Variants in CCDC154 observed in about 807,000 individuals in gnomAD.
The protein encoded by CCDC154 is coiled-coil domain-containing protein 154.
CCDC154 carries 91 observed loss-of-function variants against 87.5 expected under a neutral mutation model. That is an observed-to-expected ratio of 1.04 (90% CI 0.88 to 1.24). The LOEUF (loss-of-function observed/expected upper bound fraction) is 1.24, where lower values mean the gene tolerates loss of function less well. Among genes scored for constraint, CCDC154 ranks in the 50% most tolerant of loss-of-function variants. The pLI is 0.00. For missense variants in CCDC154, 903 were observed against 879.2 expected (o/e 1.03, Z -0.34); for synonymous variants, 418 against 400.4 (o/e 1.04, Z -0.52).
chr16:1,444,393 G>A lies in CCDC154; in HGVS notation c.-71C>T. The A allele has an allele frequency of 3.1e-6, 4 of 1,283,906 alleles. No homozygotes were observed. In the African/African-American group the frequency reaches 6.1e-5, roughly 20 times the overall value. 79.5% of individuals were successfully genotyped at this position (1,283,906 alleles called of 1,614,324 possible). ...GCCTTGGGGCCTCTGAGGTTGCCCA[G>A]AGCTGGGCACAGGCCAGGGGGGTCA... is the stretch of plus-strand genomic sequence containing the variant. On this transcript the variant is annotated 5_prime_UTR_variant, in exon 1 of 17. Transcript: ENST00000389176.
intron 7 of CCDC154, 31 bp downstream of exon 7, chr16:1,438,994 C>T (rs180995283): frequency 6.5e-7 from 1 of 1,549,758 alleles, no homozygotes; most frequent in East Asian, 2.4e-5. Flanking sequence ...GGAAGGGGGG[C>T]AGGGCAGGCC....
In CCDC154 at chr16:1,443,684, A is replaced by G. The variant is rs2142358205; in HGVS notation, c.236T>C (p.Leu79Pro). The change falls in exon 3 of 17, where the codon CTG becomes CCG. Residue 79 changes from leucine to proline, a missense_variant. Physicochemically the swap from Leu to Pro is moderately conservative, Grantham distance 98 (BLOSUM62 -3). Transcript: ENST00000389176. ...CCGCAGGCAGGCCACCTCGGCCTGCAGCTCCACCACCCTGGCCGGGGCGAG... is the reference window on the plus strand; with the variant it reads ...CCGCAGGCAGGCCACCTCGGCCTGCGGCTCCACCACCCTGGCCGGGGCGAG... ...WNQLEQWVVE[L>P]QAEVACLREH... 1 of 1,291,512 alleles carries G rather than the reference A, an allele frequency of 7.7e-7. No individual in the cohort carries two copies. The highest frequency in any genetic ancestry group is 4.8e-5 in the East Asian group (1 of 20,972). 80.0% of individuals were successfully genotyped at this position (1,291,512 alleles called of 1,614,324 possible).
chr16:1,438,534 G>T, intron 9 of CCDC154, 85 bp downstream of exon 9: 2 of 1,257,242 alleles, frequency 1.6e-6, no homozygotes, highest in Non-Finnish European at 2.2e-6. Flanking sequence ...GTCATTCCCT[G>T]CTGAGTCGGC....
rs528440014 is a variant in CCDC154, at chr16:1,443,509, C to T, written c.411G>A (p.Pro137=). The part of the protein sequence containing the change: ...PAAQAPEKEA[P]EFSGLQNQMQ... Reference sequence around the variant, plus strand: ...TGTGGGTGGGGGAGCCGCTCACCTCCGGCGCCTCCTTTTCGGGGGCCTGGG... The same window carrying T: ...TGTGGGTGGGGGAGCCGCTCACCTCTGGCGCCTCCTTTTCGGGGGCCTGGG... Residue 137 remains proline (P), a synonymous_variant, in exon 3 of 17, where the codon CCG becomes CCA. Coordinates refer to ENST00000389176, the MANE Select transcript of CCDC154 (RefSeq NM_001143980.3). 181 of 1,469,714 alleles carry T rather than the reference C, an allele frequency of 1.2e-4. 1 individual carries two copies. The South Asian group carries it at 1.8e-3, about 15-fold the overall frequency. The allele number at this position is 1,469,714 out of a possible 1,614,324, so 91.0% of individuals were successfully genotyped here.
In CCDC154 at chr16:1,434,845, T is replaced by A; in HGVS notation, c.1700A>T (p.Gln567Leu). 1 of 1,506,888 alleles carries A rather than the reference T, an allele frequency of 6.6e-7. No individual in the cohort carries two copies. The highest frequency in any genetic ancestry group is 8.9e-7 in the Non-Finnish European group (1 of 1,129,244). 93.3% of individuals were successfully genotyped at this position (1,506,888 alleles called of 1,614,324 possible). A position where few individuals can be genotyped will look rare whatever the true frequency, so the allele number is the denominator to read the frequency against. Reference protein sequence around the residue: ...RFNTEARLRTQEMATLWESVL... With the variant: ...RFNTEARLRTLEMATLWESVL... ...ACTCTCCCACAGGGTGGCCATCTCC[T>A]GCGTGCGCTGTGGGACGGGGATGCT... The change falls in exon 16 of 17, where the codon CAG becomes CTG. Residue 567 changes from glutamine (Q) to leucine (L), a missense_variant. Physicochemically the swap from Gln to Leu is moderately radical, Grantham distance 113 (BLOSUM62 -2). Coordinates refer to ENST00000389176, the MANE Select transcript of CCDC154 (RefSeq NM_001143980.3).
At chr16:1,438,449 C>T (rs1010248823) in intron 9 of CCDC154, 170 bp downstream of exon 9, 15 of 739,868 alleles carry the variant, frequency 2.0e-5, no homozygotes, top group Non-Finnish European at 3.3e-5. Context: ...GACAGGAGGC[C>T]CCACAGGAGG....
intron 6 of CCDC154, among the ~76,000 whole-genome samples, chr16:1,442,148 C>T (rs1596205417): frequency 6.6e-6 from 1 of 151,754 alleles, no homozygotes; most frequent in Non-Finnish European, 1.5e-5. Flanking sequence ...GAACTCCTGA[C>T]CTTGTGATCT....
chr16:1,444,261 A>G (rs373067366), intron 1 of CCDC154, 55 bp downstream of exon 1: 17 of 1,293,866 alleles, frequency 1.3e-5, no homozygotes, highest in Non-Finnish European at 1.6e-5. Flanking sequence ...AGCGGTCCCC[A>G]CCCTCACACC....
At chr16:1,437,697 G>A (rs2038514072) in intron 11 of CCDC154, 120 bp downstream of exon 11, 2 of 1,241,600 alleles carry the variant, frequency 1.6e-6, no homozygotes. Context: ...GTCGCTGGGT[G>A]GGACGGGAGG....
Position 1,436,687 on chromosome 16 carries a change from C to T in CCDC154, c.1410+5G>A, listed in dbSNP as rs1302151035. 2 of 1,549,886 alleles carry T rather than the reference C, an allele frequency of 1.3e-6. No homozygotes were observed. Among genetic ancestry groups the T allele is most frequent in the African/African-American group, 1.4e-5 (1 of 73,026 alleles). On this transcript the variant is annotated splice_donor_5th_base_variant and intron_variant, in intron 12 of 16. Transcript: ENST00000389176. Reference sequence around the variant, plus strand: ...TACACCAAGGCTGGCTGTGCCTTCGCCCACCTGCTGGGGGAGGCCATCCAC... The same window carrying T: ...TACACCAAGGCTGGCTGTGCCTTCGTCCACCTGCTGGGGGAGGCCATCCAC...
rs750083112 is a variant in CCDC154, at chr16:1,434,694, G to A, written c.1851C>T (p.Asn617=). The A allele has an allele frequency of 5.9e-5, 91 of 1,546,902 alleles. No individual in the cohort carries two copies. The highest frequency in any genetic ancestry group is 2.0e-4 in the Admixed American group (10 of 50,980). ...DMAPGKVVPM[N]CWGVYQAVRW... is the part of the protein sequence containing the mutation. ...TCACAGCCTGGTACACGCCCCAGCA[G>A]TTCATGGGCACCACCTTGCCAGGCG... The change falls in exon 16 of 17, where the codon AAC becomes AAT. Residue 617 remains asparagine, a synonymous_variant. Transcript: ENST00000389176.
At chr16:1,435,243 C>T in intron 14 of CCDC154, 68 bp from the exon 15 acceptor site, 1 of 1,351,012 alleles carries the variant, frequency 7.4e-7, no homozygotes, top group Non-Finnish European at 1.0e-6. Context: ...CCCACAGGCA[C>T]CCCGATATCC....
intron 9 of CCDC154, chr16:1,438,377 A>C (rs12926537): frequency 0.37 from 288,339 of 773,068 alleles, 55,947 homozygotes; most frequent in Admixed American, 0.43. Context: ...ACGGCCACCA[A>C]GACAGGGGTT....
intron 6 of CCDC154, among the ~76,000 whole-genome samples, chr16:1,439,872 A>G (rs1479137378): frequency 6.6e-6 from 1 of 152,088 alleles, no homozygotes; most frequent in Non-Finnish European, 1.5e-5. Context: ...TTACAAAAAC[A>G]AGCAGTGACT....
At chr16:1,434,976 C>A in intron 15 of CCDC154, 113 bp downstream of exon 15, 1 of 1,409,656 alleles carries the variant, frequency 7.1e-7, no homozygotes, top group Non-Finnish European at 9.5e-7. Flanking sequence ...CTGCCCATGG[C>A]CAGACACTTG....
At position 1,437,816 on chromosome 16, in the gene CCDC154, C is replaced by A; in HGVS notation, c.1290+1G>T. On this transcript the variant is annotated splice_donor_variant, in intron 11 of 16. Coordinates refer to ENST00000389176, the MANE Select transcript of CCDC154 (RefSeq NM_001143980.3). LOFTEE classifies it high-confidence loss of function. Reference sequence around the variant, plus strand: ...CTGCCCCCGCCCGCTGCCTGGCGCACCTCGGACAGCCTGAGGCCCAGCATC... The same window carrying A: ...CTGCCCCCGCCCGCTGCCTGGCGCAACTCGGACAGCCTGAGGCCCAGCATC... 1 of 1,528,812 alleles carries A rather than the reference C, an allele frequency of 6.5e-7. No individual in the cohort carries two copies. 94.7% of individuals were successfully genotyped at this position (1,528,812 alleles called of 1,614,324 possible). A position where few individuals can be genotyped will look rare whatever the true frequency, so the allele number is the denominator to read the frequency against.
chr16:1,434,915 G>A, intron 15 of CCDC154, 63 bp from the exon 16 acceptor site: 1 of 1,453,120 alleles, frequency 6.9e-7, no homozygotes, highest in Non-Finnish European at 9.1e-7. Flanking sequence ...ATGGCAAACG[G>A]GGGCTTATCT....
At chr16:1,437,611 G>C (rs1245697121) in intron 11 of CCDC154, 1 of 583,724 alleles carries the variant, frequency 1.7e-6, no homozygotes, top group African/African-American at 2.0e-5. Flanking sequence ...GCAGATGCTG[G>C]GCCGAGGCTG....
In CCDC154 at chr16:1,442,861, A is replaced by C; in HGVS notation, c.551+19T>G. ...CCCCACGCAAGCTCCGGAGCCAGCC[A>C]CGGGCGGTGGGCGCCCACCTGAGGC... On this transcript the variant is annotated intron_variant, in intron 5 of 16. Transcript: ENST00000389176. 1 of 1,544,440 alleles carries C rather than the reference A, an allele frequency of 6.5e-7. No homozygotes were observed. The highest frequency in any genetic ancestry group is 8.7e-7 in the Non-Finnish European group (1 of 1,143,492).
Sources: allele counts gnomAD v4.1 joint callset (sites outside exome capture counted in the v4.1 genomes callset), GRCh38; gene constraint gnomAD v4.1.1; transcripts MANE v1.5; gene names NCBI Gene and HGNC (gene_info 2026-07-23, HGNC 2026-07-21).